Variants in CUBN observed in about 807,000 individuals in gnomAD.
CUBN encodes 460 kDa receptor.
A neutral mutation model predicts 405.3 loss-of-function variants in CUBN; 282 were observed. That is an observed-to-expected ratio of 0.70 (90% CI 0.63 to 0.77). The LOEUF is 0.77. Ranked by LOEUF, CUBN falls within the 30% of genes least tolerant of loss-of-function variation. The pLI, the probability that CUBN is intolerant of heterozygous loss-of-function variation, is 0.00. For synonymous variants in CUBN, 1,684 were observed against 1,617.0 expected (o/e 1.04, Z -0.99); for missense variants, 4,514 against 4,475.2 (o/e 1.01, Z -0.25).
intron 31 of CUBN, among the ~76,000 whole-genome samples, chr10:16,969,315 G>T (rs1298723192): frequency 1.3e-5 from 2 of 151,848 alleles, no homozygotes; most frequent in Non-Finnish European, 2.9e-5. Context: ...AAAGACTACT[G>T]CTGTGGGTTC....
chr10:16,960,404 A>G (rs1843183380), intron 31 of CUBN, among the ~76,000 whole-genome samples: 1 of 152,102 alleles, frequency 6.6e-6, no homozygotes, highest in Non-Finnish European at 1.5e-5. Context: ...AGGCACGAGA[A>G]TTGCTTGAAC....
rs79999761 is a variant in CUBN, at chr10:16,917,253, A to C, written c.7001-1223T>G. Among the ~76,000 whole-genome samples, 1,022 of 152,278 alleles carry C rather than the reference A, an allele frequency of 6.7e-3. 18 individuals carry two copies. The highest frequency in any genetic ancestry group is 0.023 in the African/African-American group (955 of 41,558). Reference sequence around the variant, plus strand: ...TGGTTCTTAAATGGTTTTATTACTTAAAGTAATAAACATACTGCATTTCTT... The same window carrying C: ...TGGTTCTTAAATGGTTTTATTACTTCAAGTAATAAACATACTGCATTTCTT... On this transcript the variant is annotated intron_variant, in intron 45 of 66. Transcript: ENST00000377833.
At chr10:16,944,030 G>C (rs960743769) in intron 36 of CUBN, among the ~76,000 whole-genome samples, 1 of 152,186 alleles carries the variant, frequency 6.6e-6, no homozygotes, top group African/African-American at 2.4e-5. Flanking sequence ...TGTAGGATGT[G>C]GAACAAAAAT....
At chr10:17,128,059 AAAC>A in intron 2 of CUBN, 135 bp from the exon 3 acceptor site, 1 of 617,542 alleles carries the variant, frequency 1.6e-6, no homozygotes, top group South Asian at 1.9e-5. Flanking sequence ...ATAAAAACCA[AAAC>A]AACACCATGC....
chr10:17,089,104 T>C (rs1485605545), intron 14 of CUBN, among the ~76,000 whole-genome samples: 1 of 152,196 alleles, frequency 6.6e-6, no homozygotes, highest in Non-Finnish European at 1.5e-5. Context: ...ATCCAGACTG[T>C]AGTAATACAG....
Position 17,043,796 on chromosome 10 carries a change from ACACACTTACTCTGCCGGTATT to A in CUBN, c.3829+10_3829+30del. On this transcript the variant is annotated intron_variant, in intron 26 of 66. Coordinates refer to ENST00000377833, the MANE Select transcript of CUBN (RefSeq NM_001081.4). ...GTATTCACACTTACTCTGCCAGTAT[ACACACTTACTCTGCCGGTATT>A]CACACTTACTCTGCCGGTATTCAGC... 15 of 1,584,300 alleles carry A rather than the reference ACACACTTACTCTGCCGGTATT, an allele frequency of 9.5e-6. No homozygotes were observed. The highest frequency in any genetic ancestry group is 4.6e-5 in the South Asian group (4 of 87,240).
At chr10:16,977,484 G>A (rs1833133274) in intron 31 of CUBN, among the ~76,000 whole-genome samples, 1 of 152,176 alleles carries the variant, frequency 6.6e-6, no homozygotes, top group Admixed American at 6.5e-5. Context: ...ATGGGACAGT[G>A]AACTCCAGGG....
intron 40 of CUBN, among the ~76,000 whole-genome samples, chr10:16,932,192 C>A (rs1564431251): frequency 6.6e-6 from 1 of 152,152 alleles, no homozygotes; most frequent in Non-Finnish European, 1.5e-5. Context: ...GCACCTTCAC[C>A]ATTCGATTTT....
Position 16,901,348 on chromosome 10 carries a change from T to G in CUBN, c.8174A>C (p.His2725Pro). ...GTCATTAGCACTCACAGTGATGGTG[T>G]GCCCTTGTGGGGCCTCCAACAGCGA... ...CSSLLEAPQG[H>P]TITLTFSDFD... Residue 2725 changes from histidine (H) to proline (P), a missense_variant, in exon 52 of 67, where the codon CAC becomes CCC. Around this residue, in one of 5 missense-constraint regions of CUBN, gnomAD observed 1,186 missense variants for 1,186.9 expected, o/e 1.00. Transcript: ENST00000377833. The G allele has an allele frequency of 6.2e-7, 1 of 1,614,188 alleles. No homozygotes were observed. The highest frequency in any genetic ancestry group is 8.5e-7 in the Non-Finnish European group (1 of 1,180,006).
rs759994039 is a variant in CUBN, at chr10:16,950,015, T to C, written c.5066A>G (p.Asp1689Gly). The C allele has an allele frequency of 9.9e-6, 16 of 1,613,546 alleles. No individual in the cohort carries two copies. In the South Asian group the frequency reaches 1.8e-4, roughly 18 times the overall value. ...CGCTGAGGTACCTCGGAGGGGCGCG[T>C]CTTCGTGGCCGCCATCCAAAATTTC... Reference protein sequence around the residue: ...FVEILDGGHEDAPLRGRYCGT... With the variant: ...FVEILDGGHEGAPLRGRYCGT... The change falls in exon 34 of 67, where the codon GAC becomes GGC. Residue 1689 changes from aspartate (D) to glycine (G), a missense_variant. Physicochemically the swap from Asp to Gly is moderately conservative, Grantham distance 94. Coordinates refer to ENST00000377833, the MANE Select transcript of CUBN (RefSeq NM_001081.4).
At chr10:17,038,958 TGCAGTTGCTG>T (rs1258003634) in intron 27 of CUBN, among the ~76,000 whole-genome samples, 4 of 152,356 alleles carry the variant, frequency 2.6e-5, no homozygotes, top group Admixed American at 6.5e-5. Context: ...TGAGCTACTC[TGCAGTTGCTG>T]GAACAAGCAT....
chr10:16,900,379 G>A (rs530076335), intron 53 of CUBN, among the ~76,000 whole-genome samples: 128 of 152,208 alleles, frequency 8.4e-4, no homozygotes, highest in Non-Finnish European at 1.5e-3. Flanking sequence ...TTCAAATCCC[G>A]ACTCTACCAA....
chr10:17,109,245 C>G (rs1340371764), intron 10 of CUBN, among the ~76,000 whole-genome samples: 1 of 152,114 alleles, frequency 6.6e-6, no homozygotes, highest in African/African-American at 2.4e-5. Flanking sequence ...CTTATTTCAG[C>G]TGGACTCAGG....
At chr10:16,957,400 T>C (rs1843097378) in intron 31 of CUBN, among the ~76,000 whole-genome samples, 1 of 152,226 alleles carries the variant, frequency 6.6e-6, no homozygotes, top group Non-Finnish European at 1.5e-5. Flanking sequence ...TACCATCCCA[T>C]TGTTTATATA....
At chr10:16,994,936 C>A (rs1469167828) in intron 28 of CUBN, among the ~76,000 whole-genome samples, 3 of 152,024 alleles carry the variant, frequency 2.0e-5, no homozygotes, top group Non-Finnish European at 4.4e-5. Context: ...ACTAAAAATG[C>A]AAAAATTAGC....
At chr10:17,078,239 T>A (rs1835893218) in intron 17 of CUBN, among the ~76,000 whole-genome samples, 1 of 152,038 alleles carries the variant, frequency 6.6e-6, no homozygotes, top group African/African-American at 2.4e-5. Context: ...GTCTAGCTCC[T>A]GCCTAACTCA....
chr10:17,020,815 A>G (rs923976664), intron 27 of CUBN, among the ~76,000 whole-genome samples: 1 of 152,198 alleles, frequency 6.6e-6, no homozygotes, highest in Non-Finnish European at 1.5e-5. Context: ...TTCATTTAAG[A>G]TATTTCCAAT....
rs767796430 is a variant in CUBN, at chr10:17,071,896, T to A, written c.2377A>T (p.Ser793Cys). 1.2e-6 allele frequency: 2 copies of A among 1,612,806 alleles called. No individual in the cohort carries two copies. The highest frequency in any genetic ancestry group is 1.3e-5 in the African/African-American group (1 of 75,008). Reference protein sequence around the residue: ...TISHIKSITNSVWIRFKIDAS... With the variant: ...TISHIKSITNCVWIRFKIDAS... ...TCTATTTTAAACCTGATCCAGACAC[T>A]ATTAGTAATGGATTTAATGTGAGAG... Residue 793 changes from serine to cysteine, a missense_variant, in exon 18 of 67, where the codon AGT becomes TGT. This residue lies in a region of CUBN where 1,448 missense variants were observed against 1,388.0 expected (regional missense o/e 1.04). Transcript: ENST00000377833.
At chr10:17,083,745 C>A in intron 17 of CUBN, among the ~76,000 whole-genome samples, 1 of 151,780 alleles carries the variant, frequency 6.6e-6, no homozygotes, top group Non-Finnish European at 1.5e-5. Flanking sequence ...TGATTATGCC[C>A]AAAAAAACAA....
Sources: allele counts gnomAD v4.1 joint callset (sites outside exome capture counted in the v4.1 genomes callset), GRCh38; gene constraint gnomAD v4.1.1; regional missense constraint gnomAD v4.1.1; transcripts MANE v1.5; gene names NCBI Gene and HGNC (gene_info 2026-07-23, HGNC 2026-07-21).